Variants in STAM observed in about 807,000 individuals in gnomAD.
STAM encodes signal transducing adapter molecule 1.
A neutral mutation model predicts 63.4 loss-of-function variants in STAM; 16 were observed. That is an observed-to-expected ratio of 0.25 (90% CI 0.17 to 0.38). STAM has a LOEUF of 0.38. Ranked by LOEUF, STAM falls within the 10% of genes least tolerant of loss-of-function variation. The probability of loss-of-function intolerance (pLI) is 1.00; values close to 1 mark genes in which losing one functional copy is unlikely to be tolerated. For missense variants in STAM, 636 were observed against 657.1 expected, an observed-to-expected ratio of 0.97 and a Z score of 0.35; for synonymous variants, 238 against 223.9, an observed-to-expected ratio of 1.06 and a Z score of -0.56.
intron 13 of STAM, 33 bp from the exon 14 acceptor site, chr10:17,714,510 T>C (rs1554830464): frequency 2.5e-6 from 4 of 1,574,578 alleles, no homozygotes; most frequent in East Asian, 2.2e-5. Context: ...TAAATCAGTA[T>C]TGATGTAATT....
At chr10:17,673,055 A>T in intron 2 of STAM, 1 of 985,284 alleles carries the variant, frequency 1.0e-6, no homozygotes, top group Non-Finnish European at 1.2e-6. Context: ...GAGAGAGATG[A>T]GGATTTGCCC....
rs908717098 is a variant in STAM, at chr10:17,705,153, T to G, written c.1055+129T>G. 2.7e-5 allele frequency: 20 copies of G among 732,158 alleles called. No individual in the cohort carries two copies. In the African/African-American group the frequency reaches 3.5e-4, roughly 13 times the overall value. 45.4% of individuals were successfully genotyped at this position (732,158 alleles called of 1,614,324 possible). ...AGGAACCAACTCTCATTCACATATC[T>G]TGTGCTAGATGTGGAGAATTAGACT... On this transcript the variant is annotated intron_variant, in intron 11 of 13. Coordinates refer to ENST00000377524, the MANE Select transcript of STAM (RefSeq NM_003473.4).
At chr10:17,668,920 A>G (rs535806256) in intron 2 of STAM, among the ~76,000 whole-genome samples, 1 of 152,224 alleles carries the variant, frequency 6.6e-6, no homozygotes, top group Non-Finnish European at 1.5e-5. Flanking sequence ...TGCTATAAAC[A>G]TGAATTTGCA....
At chr10:17,662,044 T>A (rs1554822947) in intron 2 of STAM, among the ~76,000 whole-genome samples, 1 of 152,216 alleles carries the variant, frequency 6.6e-6, no homozygotes, top group Admixed American at 6.5e-5. Flanking sequence ...TGGACGTTCC[T>A]TACCTTGCCT....
chr10:17,683,484 T>C (rs1210156688), intron 2 of STAM, among the ~76,000 whole-genome samples: 3 of 152,160 alleles, frequency 2.0e-5, no homozygotes, highest in Non-Finnish European at 4.4e-5. Flanking sequence ...ATTTTTCTCT[T>C]AAAAATATTT....
intron 13 of STAM, among the ~76,000 whole-genome samples, chr10:17,710,594 C>A (rs1422899112): frequency 1.3e-5 from 2 of 152,328 alleles, no homozygotes; most frequent in East Asian, 3.9e-4. Flanking sequence ...CAGCACTGTT[C>A]CTCCTGTGTG....
intron 8 of STAM, among the ~76,000 whole-genome samples, chr10:17,697,934 GA>G (rs1282558681): frequency 6.6e-6 from 1 of 151,576 alleles, no homozygotes; most frequent in African/African-American, 2.4e-5. Context: ...AGAATTTTAA[GA>G]AAAAAAATCT....
At chr10:17,710,505 C>T (rs1231656531) in intron 13 of STAM, among the ~76,000 whole-genome samples, 1 of 152,232 alleles carries the variant, frequency 6.6e-6, no homozygotes, top group Non-Finnish European at 1.5e-5. Context: ...CCCTCTCGTC[C>T]TGGCTCATTC....
intron 9 of STAM, among the ~76,000 whole-genome samples, chr10:17,700,628 G>A (rs553982523): frequency 6.6e-6 from 1 of 151,258 alleles, no homozygotes; most frequent in East Asian, 1.9e-4. Context: ...GTTTCTTTAG[G>A]GTAGATATTC....
Position 17,705,664 on chromosome 10 carries a change from G to A in STAM, c.1132G>A (p.Asp378Asn). ...LSLYTKLMNE[D>N]PMYSMYAKLQ... Reference sequence around the variant, plus strand: ...CTTATATACCAAGTTAATGAACGAAGATCCGATGTATTCCATGTATGCAAA... The same window carrying A: ...CTTATATACCAAGTTAATGAACGAAAATCCGATGTATTCCATGTATGCAAA... The change falls in exon 12 of 14, where the codon GAT becomes AAT. Residue 378 changes from aspartate to asparagine, a missense_variant. By Grantham distance (23) the Asp-to-Asn change is conservative. Transcript: ENST00000377524. 6.2e-7 allele frequency: 1 copy of A among 1,613,976 alleles called. No homozygotes were observed. The highest frequency in any genetic ancestry group is 8.5e-7 in the Non-Finnish European group (1 of 1,179,950).
intron 1 of STAM, among the ~76,000 whole-genome samples, chr10:17,648,918 AC>A (rs1343921469): frequency 6.6e-6 from 1 of 151,780 alleles, no homozygotes; most frequent in Non-Finnish European, 1.5e-5. Context: ...CTCCAGACTC[AC>A]TCTCTTGAAT....
chr10:17,661,785 A>C (rs1554822905), intron 2 of STAM, among the ~76,000 whole-genome samples: 2 of 152,196 alleles, frequency 1.3e-5, no homozygotes, highest in African/African-American at 4.8e-5. Flanking sequence ...TTTTGAGCAT[A>C]GCCAAATGGT....
At chr10:17,660,411 T>G (rs770693658) in intron 1 of STAM, 53 bp from the exon 2 acceptor site, 2 of 1,225,650 alleles carry the variant, frequency 1.6e-6, no homozygotes, top group Non-Finnish European at 2.3e-6. Context: ...TGATTATGTA[T>G]CTTTTAAAGA....
intron 1 of STAM, 70 bp from the exon 2 acceptor site, chr10:17,660,394 T>G (rs1287404769): frequency 1.9e-6 from 2 of 1,045,640 alleles, no homozygotes; most frequent in Non-Finnish European, 2.8e-6. Flanking sequence ...GTTTTGTGAT[T>G]TAAATGTGAT....
At chr10:17,697,975 G>C (rs1174886632) in intron 8 of STAM, among the ~76,000 whole-genome samples, 2 of 152,002 alleles carry the variant, frequency 1.3e-5, no homozygotes, top group African/African-American at 4.8e-5. Flanking sequence ...ATTTCCAGCA[G>C]CTCCTAATAG....
chr10:17,704,697 T>A lies in STAM; in HGVS notation c.1000+179T>A, dbSNP rs7076184. Among the ~76,000 whole-genome samples the A allele has an allele frequency of 3.1e-3, 471 of 152,326 alleles. 2 individuals carry two copies. The highest frequency in any genetic ancestry group is 0.011 in the African/African-American group (456 of 41,574). ...GGGTAGAATTTGAATTCTTATAATTTTCTATCCAAACGAAGTGTTCTGTTC... is the reference window on the plus strand; with the variant it reads ...GGGTAGAATTTGAATTCTTATAATTATCTATCCAAACGAAGTGTTCTGTTC... On this transcript the variant is annotated intron_variant, in intron 10 of 13. Coordinates refer to ENST00000377524, the MANE Select transcript of STAM (RefSeq NM_003473.4).
At chr10:17,663,996 G>T (rs185743958) in intron 2 of STAM, among the ~76,000 whole-genome samples, 15 of 151,826 alleles carry the variant, frequency 9.9e-5, no homozygotes, top group African/African-American at 3.1e-4. Flanking sequence ...TGACTACATT[G>T]TTTTAAGGAA....
chr10:17,666,140 G>C (rs973365547), intron 2 of STAM, among the ~76,000 whole-genome samples: 1 of 152,084 alleles, frequency 6.6e-6, no homozygotes, highest in Admixed American at 6.6e-5. Context: ...TTGACCTCTA[G>C]ATTAAGTTTT....
intron 1 of STAM, among the ~76,000 whole-genome samples, chr10:17,658,673 G>A (rs1213452465): frequency 6.6e-6 from 1 of 152,026 alleles, no homozygotes; most frequent in Non-Finnish European, 1.5e-5. Context: ...TTTTTGTAGA[G>A]GAGAGGTTTC....
Sources: allele counts gnomAD v4.1 joint callset (sites outside exome capture counted in the v4.1 genomes callset), GRCh38; gene constraint gnomAD v4.1.1; transcripts MANE v1.5; gene names NCBI Gene and HGNC (gene_info 2026-07-23, HGNC 2026-07-21).